Variants in C2orf92 observed in about 807,000 individuals in gnomAD.
The protein encoded by C2orf92 is uncharacterized protein C2orf92.
At chr2:97,678,723 A>G (rs1675664189) in intron 3 of C2orf92, among the ~76,000 whole-genome samples, 1 of 151,314 alleles carries the variant, frequency 6.6e-6, no homozygotes, top group African/African-American at 2.4e-5. Flanking sequence ...TAATCCCAGC[A>G]CTTTGGGAGG....
intron 3 of C2orf92, among the ~76,000 whole-genome samples, chr2:97,678,807 TAAA>T (rs58050567): frequency 2.7e-5 from 3 of 110,160 alleles, no homozygotes; most frequent in Non-Finnish European, 1.9e-5. Flanking sequence ...CTGTTTCTAC[TAAA>T]AAAAAAAAAA....
intron 1 of C2orf92, among the ~76,000 whole-genome samples, chr2:97,673,140 T>C (rs528060213): frequency 6.6e-5 from 10 of 152,312 alleles, no homozygotes; most frequent in Non-Finnish European, 1.5e-4. Context: ...CCTGTTTTTG[T>C]GGGTACAATT....
At chr2:97,700,512 G>C (rs1385850090) in intron 6 of C2orf92, among the ~76,000 whole-genome samples, 4 of 152,104 alleles carry the variant, frequency 2.6e-5, no homozygotes, top group Non-Finnish European at 5.9e-5. Flanking sequence ...GCTCTCCTCT[G>C]TTCTTCTCTT....
chr2:97,668,232 G>C (rs1675299421), upstream of C2orf92: 1 of 152,006 alleles, frequency 6.6e-6, no homozygotes, highest in African/African-American at 2.4e-5. Context: ...AGAGAAATAA[G>C]ATTTCTGTGG....
At chr2:97,700,847 A>G (rs1676469572) in intron 6 of C2orf92, among the ~76,000 whole-genome samples, 1 of 151,928 alleles carries the variant, frequency 6.6e-6, no homozygotes, top group Non-Finnish European at 1.5e-5. Flanking sequence ...CTCCTGCCTC[A>G]GCCTCCCAAG....
intron 1 of C2orf92, 114 bp from the exon 2 acceptor site, chr2:97,674,342 A>G (rs1675507433): frequency 2.5e-6 from 1 of 396,700 alleles, no homozygotes; most frequent in Non-Finnish European, 4.4e-6. Context: ...CATTTACAGC[A>G]TGATGTCCAA....
chr2:97,682,848 C>T (rs1675823464), intron 3 of C2orf92, among the ~76,000 whole-genome samples: 1 of 151,688 alleles, frequency 6.6e-6, no homozygotes, highest in African/African-American at 2.4e-5. Flanking sequence ...TTTGAAAAAC[C>T]CATGGATGAT....
At chr2:97,699,411 C>T (rs1415895634) in intron 6 of C2orf92, among the ~76,000 whole-genome samples, 1 of 152,124 alleles carries the variant, frequency 6.6e-6, no homozygotes, top group Non-Finnish European at 1.5e-5. Context: ...CCCTGGCCAA[C>T]ATGGTAAAAC....
intron 7 of C2orf92, chr2:97,702,167 G>A (rs535061913): frequency 6.6e-6 from 1 of 152,288 alleles, no homozygotes; most frequent in Non-Finnish European, 1.5e-5. Context: ...ATGGGGTGGA[G>A]GTGTGTGTTG....
chr2:97,687,014 G>A (rs946156513), intron 3 of C2orf92, among the ~76,000 whole-genome samples: 11 of 151,902 alleles, frequency 7.2e-5, no homozygotes, highest in African/African-American at 2.7e-4. Flanking sequence ...AATAAACAGT[G>A]GTGATGTTTA....
chr2:97,664,783 C>T (rs1234952201), upstream of C2orf92: 1 of 150,472 alleles, frequency 6.6e-6, no homozygotes, highest in African/African-American at 2.5e-5. Context: ...CTATGTTCCC[C>T]GGGCTAGCCT....
upstream of C2orf92, chr2:97,667,065 A>G (rs563193555): frequency 1.3e-5 from 2 of 152,142 alleles, no homozygotes; most frequent in East Asian, 1.9e-4. Flanking sequence ...GTATGTATTC[A>G]TTTGCATCTA....
chr2:97,700,210 C>T (rs1010000017), intron 6 of C2orf92, among the ~76,000 whole-genome samples: 6 of 152,202 alleles, frequency 3.9e-5, no homozygotes, highest in Non-Finnish European at 8.8e-5. Flanking sequence ...TCCGTCCACT[C>T]TCACAATTTC....
intron 6 of C2orf92, among the ~76,000 whole-genome samples, chr2:97,700,604 AC>A (rs1231266930): frequency 1.3e-5 from 2 of 151,194 alleles, no homozygotes; most frequent in African/African-American, 2.4e-5. Context: ...TCTCATCTCC[AC>A]CCCCCAAAAT....
chr2:97,669,711 C>G, upstream of C2orf92: 1 of 398,320 alleles, frequency 2.5e-6, no homozygotes, highest in Admixed American at 4.4e-5. Context: ...CCGTGGTACC[C>G]TGGAGTCCAC....
chr2:97,666,459 C>T (rs1187399181), upstream of C2orf92, among the ~76,000 whole-genome samples: 3 of 150,902 alleles, frequency 2.0e-5, no homozygotes, highest in South Asian at 4.2e-4. Context: ...ATCGCTTGAA[C>T]CCAGGAGGCG....
chr2:97,698,761 C>T (rs1489077523), intron 5 of C2orf92, among the ~76,000 whole-genome samples: 2 of 152,160 alleles, frequency 1.3e-5, no homozygotes, highest in East Asian at 3.8e-4. Context: ...CATAAGCCCT[C>T]CCAGTGTGAT....
upstream of C2orf92, chr2:97,667,833 T>G (rs1453597297): frequency 6.6e-6 from 1 of 152,198 alleles, no homozygotes; most frequent in Non-Finnish European, 1.5e-5. Flanking sequence ...TTATTCCCAT[T>G]GTAATGCCCG....
At chr2:97,665,983 T>G (rs1179395669), upstream of C2orf92, 1 of 151,922 alleles carries the variant, frequency 6.6e-6, no homozygotes, top group Non-Finnish European at 1.5e-5. Flanking sequence ...TTTTGCTATG[T>G]TGCCCAGGCT....
Sources: gnomAD v4.1 joint callset for allele counts (sites outside exome capture counted in the v4.1 genomes callset) on GRCh38, gnomAD v4.1.1 for gene constraint, MANE v1.5 for transcripts, NCBI Gene and HGNC (gene_info 2026-07-23, HGNC 2026-07-21) for gene names.